The following GALNT2 variants were observed in gnomAD, a reference collection of about 807,000 sequenced individuals.
GALNT2 encodes polypeptide N-acetylgalactosaminyltransferase 2, also known as UDP-GalNAc:polypeptide N-acetylgalactosaminyltransferase 2.
Under a neutral mutation model 81.4 loss-of-function variants are expected in GALNT2, and 31 were observed. The ratio of observed to expected loss-of-function variants is 0.38; its 90% CI spans 0.29 to 0.51. The LOEUF (loss-of-function observed/expected upper bound fraction) is 0.51. Among genes scored for constraint, GALNT2 ranks in the 20% least tolerant of loss-of-function variants. The probability of loss-of-function intolerance (pLI) is 0.87; values close to 1 mark genes in which losing one functional copy is unlikely to be tolerated. For missense variants in GALNT2, 629 were observed against 765.7 expected, an observed-to-expected ratio of 0.82 and a Z score of 2.11; for synonymous variants, 303 against 287.4, an observed-to-expected ratio of 1.05 and a Z score of -0.55.
intron 1 of GALNT2, among the ~76,000 whole-genome samples, chr1:230,144,290 A>C (rs1661843043): frequency 6.6e-6 from 1 of 152,182 alleles, no homozygotes; most frequent in South Asian, 2.1e-4. Context: ...AAATGTTAAT[A>C]ATTACATGGA....
intron 1 of GALNT2, among the ~76,000 whole-genome samples, chr1:230,086,316 G>A (rs1659897167): frequency 6.6e-6 from 1 of 152,158 alleles, no homozygotes; most frequent in South Asian, 2.1e-4. Context: ...CTGAGAGGTG[G>A]TTAGTTCAGC....
At chr1:230,205,163 A>C (rs1031396872) in intron 3 of GALNT2, among the ~76,000 whole-genome samples, 2 of 152,330 alleles carry the variant, frequency 1.3e-5, no homozygotes, top group South Asian at 2.1e-4. Context: ...GTGAAACTAC[A>C]TTCACACACA....
At chr1:230,079,424 C>T (rs1659661835) in intron 1 of GALNT2, among the ~76,000 whole-genome samples, 1 of 152,222 alleles carries the variant, frequency 6.6e-6, no homozygotes, top group Admixed American at 6.5e-5. Context: ...CTGATGGACC[C>T]ACAGGTTACT....
intron 2 of GALNT2, among the ~76,000 whole-genome samples, chr1:230,201,726 T>C (rs1483136765): frequency 1.3e-5 from 2 of 152,226 alleles, no homozygotes; most frequent in East Asian, 1.9e-4. Flanking sequence ...TGCTTGCTCC[T>C]TAGTCACACT....
At chr1:230,277,512 A>T (rs1274961691) in intron 15 of GALNT2, among the ~76,000 whole-genome samples, 1 of 152,196 alleles carries the variant, frequency 6.6e-6, no homozygotes, top group Non-Finnish European at 1.5e-5. Flanking sequence ...CAATGGGGAA[A>T]AACAGCATGA....
intron 10 of GALNT2, 124 bp downstream of exon 10, chr1:230,250,684 G>A (rs912227100): frequency 1.4e-5 from 9 of 630,884 alleles, no homozygotes; most frequent in Non-Finnish European, 2.2e-5. Flanking sequence ...ATCGATCCTT[G>A]CAAACACATA....
At chr1:230,071,880 G>C (rs565907137) in intron 1 of GALNT2, among the ~76,000 whole-genome samples, 2 of 152,150 alleles carry the variant, frequency 1.3e-5, no homozygotes, top group Non-Finnish European at 2.9e-5. Context: ...CAAACATAAT[G>C]GAAACAGATT....
rs186646740 is a variant in GALNT2 at position 230,139,028 on chromosome 1, A to G, written c.127-39190A>G. ...TCAGCCTCATTTTACCCTATTCAAG[A>G]TGGAGTCACTCTGGTTCAAACACAT... On this transcript the variant is annotated intron_variant, in intron 1 of 15. Transcript: ENST00000366672. Among the ~76,000 whole-genome samples the G allele has an allele frequency of 1.6e-4, 24 of 152,172 alleles. 1 individual carries two copies. The East Asian group carries it at 4.5e-3, about 28-fold the overall frequency.
rs557822034 is a variant in GALNT2, at chr1:230,134,117, T to G, written c.127-44101T>G. Among the ~76,000 whole-genome samples, 9 of 146,312 alleles carry G rather than the reference T, an allele frequency of 6.2e-5. No individual in the cohort carries two copies. The South Asian group carries it at 9.1e-4, about 15-fold the overall frequency. The stretch of plus-strand genomic sequence containing the variant: ...CTCTTCATCCACCTGAATCTGTTTT[T>G]TTTTTTTTTTTTGGCAGAGTCTCAC... On this transcript the variant is annotated intron_variant, in intron 1 of 15. Transcript: ENST00000366672.
At chr1:230,173,365 A>T (rs1206584914) in intron 1 of GALNT2, among the ~76,000 whole-genome samples, 2 of 152,156 alleles carry the variant, frequency 1.3e-5, no homozygotes, top group African/African-American at 4.8e-5. Flanking sequence ...AACTTCCCTG[A>T]TGGAATGCAG....
intron 2 of GALNT2, among the ~76,000 whole-genome samples, chr1:230,194,238 A>G (rs1400119991): frequency 6.6e-6 from 1 of 152,178 alleles, no homozygotes; most frequent in African/African-American, 2.4e-5. Flanking sequence ...GAAAAAAGAA[A>G]AAGTTGCTGG....
In GALNT2 at chr1:230,243,071, G is replaced by A. The variant is rs1665247950; in HGVS notation, c.608-235G>A. On this transcript the variant is annotated intron_variant, in intron 6 of 15. Transcript: ENST00000366672. This position sits in a 1 kb window ranked among gnomAD's most constrained non-coding sequence, Gnocchi z 4.2. ...TGTAAAGGGCCTTTCTCAGAAGACGGTAGTTCTAAGAACGTTGTCCTCCCA... is the reference window on the plus strand; with the variant it reads ...TGTAAAGGGCCTTTCTCAGAAGACGATAGTTCTAAGAACGTTGTCCTCCCA... Among the ~76,000 whole-genome samples, 1 of 152,166 alleles carries A rather than the reference G, an allele frequency of 6.6e-6. No homozygotes were observed. Among genetic ancestry groups the A allele is most frequent in the South Asian group, 2.1e-4 (1 of 4,834 alleles).
At chr1:230,202,107 G>A (rs1306606431) in intron 2 of GALNT2, among the ~76,000 whole-genome samples, 1 of 152,044 alleles carries the variant, frequency 6.6e-6, no homozygotes, top group Non-Finnish European at 1.5e-5. Flanking sequence ...TTATTTTGTA[G>A]GAAACTTAAT....
chr1:230,062,623 T>C (rs921713817), upstream of GALNT2, among the ~76,000 whole-genome samples: 2 of 152,260 alleles, frequency 1.3e-5, no homozygotes, highest in African/African-American at 4.8e-5. Context: ...TGTCTTTTTG[T>C]GTCTCGCTCA....
intron 1 of GALNT2, among the ~76,000 whole-genome samples, chr1:230,101,334 C>T (rs1231803399): frequency 1.3e-5 from 2 of 152,244 alleles, no homozygotes; most frequent in East Asian, 3.8e-4. Context: ...TCTTCTCCCA[C>T]CGCCAGTCCT....
At chr1:230,229,914 A>T (rs1664820515) in intron 3 of GALNT2, among the ~76,000 whole-genome samples, 1 of 152,218 alleles carries the variant, frequency 6.6e-6, no homozygotes, top group South Asian at 2.1e-4. Context: ...CAAATTCAAG[A>T]TAGTGATTGC....
upstream of GALNT2, among the ~76,000 whole-genome samples, chr1:230,065,423 A>T (rs1334473759): frequency 6.6e-6 from 1 of 151,830 alleles, no homozygotes; most frequent in Non-Finnish European, 1.5e-5. Context: ...CTTATCCTAG[A>T]TATGTGTGTG....
chr1:230,136,617 G>T lies in GALNT2; in HGVS notation c.127-41601G>T, dbSNP rs200932958. 4.6e-5 allele frequency among the ~76,000 whole-genome samples: 7 copies of T among 152,300 alleles called. No homozygotes were observed. In the East Asian group the frequency reaches 1.4e-3, roughly 29 times the overall value. On this transcript the variant is annotated intron_variant, in intron 1 of 15. Transcript: ENST00000366672. ...GTCTTCAGATCACACACTCCGCAGC[G>T]GCTCTGCTCTGCCGCGCCCCTTCAG...
At chr1:230,208,538 C>T (rs1382807826) in intron 3 of GALNT2, among the ~76,000 whole-genome samples, 6 of 152,104 alleles carry the variant, frequency 3.9e-5, no homozygotes, top group African/African-American at 2.4e-5. Flanking sequence ...AAATGTTCAG[C>T]GTATGGATGG....
Sources: gnomAD v4.1 joint callset for allele counts (sites outside exome capture counted in the v4.1 genomes callset) on GRCh38, gnomAD v4.1.1 for gene constraint, Gnocchi (gnomAD v3.1) non-coding constraint, MANE v1.5 for transcripts, NCBI Gene and HGNC (gene_info 2026-07-23, HGNC 2026-07-21) for gene names.